Variants in DNAH2 observed in about 807,000 individuals in gnomAD.
The protein encoded by DNAH2 is axonemal beta dynein heavy chain 2.
In DNAH2, 323 loss-of-function variants were observed where a neutral mutation model predicts 523.5. The ratio of observed to expected loss-of-function variants is 0.62; its 90% CI spans 0.56 to 0.68. DNAH2 has a LOEUF of 0.68. Ranked by LOEUF, DNAH2 falls within the 30% of genes least tolerant of loss-of-function variation. DNAH2 has a pLI of 0.00. For synonymous variants in DNAH2, 2,093 were observed against 2,177.4 expected, an observed-to-expected ratio of 0.96 and a Z score of 1.08; for missense variants, 4,907 against 5,701.5, an observed-to-expected ratio of 0.86 and a Z score of 4.49.
At chr17:7,819,469 C>T (rs1467505871) in intron 72 of DNAH2, 61 bp downstream of exon 72, 1 of 1,587,790 alleles carries the variant, frequency 6.3e-7, no homozygotes, top group Admixed American at 1.7e-5. Flanking sequence ...TTCTTCTGGC[C>T]ACTGCACCTT....
At chr17:7,784,507 C>T (rs745728051) in intron 39 of DNAH2, among the ~76,000 whole-genome samples, 3 of 152,144 alleles carry the variant, frequency 2.0e-5, no homozygotes, top group Non-Finnish European at 4.4e-5. Context: ...TGTACCACTG[C>T]ACTCCAGCCT....
At position 7,719,796 on chromosome 17, in the gene DNAH2, G is replaced by C. The variant is rs755225109; in HGVS notation, c.62G>C (p.Trp21Ser). 1 of 1,614,036 alleles carries C rather than the reference G, an allele frequency of 6.2e-7. No homozygotes were observed. Among genetic ancestry groups the C allele is most frequent in the South Asian group, 1.1e-5 (1 of 91,068 alleles). Reference sequence around the variant, plus strand: ...GGCCGAGGAAGCTCCCAGGCAAGCTGGTCAGGGCGGGCCACTCGGGCTGCT... The same window carrying C: ...GGCCGAGGAAGCTCCCAGGCAAGCTCGTCAGGGCGGGCCACTCGGGCTGCT... Reference protein sequence around the residue: ...LSGRGSSQASWSGRATRAAVA... With the variant: ...LSGRGSSQASSSGRATRAAVA... Residue 21 changes from tryptophan (W) to serine (S), a missense_variant, in exon 2 of 86, where the codon TGG (tryptophan) becomes TCG (serine). Around this residue, in one of 3 missense-constraint regions of DNAH2, gnomAD observed 2,806 missense variants for 3,190.8 expected, o/e 0.88. Coordinates refer to ENST00000572933, the MANE Select transcript of DNAH2 (RefSeq NM_020877.5).
chr17:7,821,301 G>A lies in DNAH2; in HGVS notation c.11074G>A (p.Ala3692Thr), dbSNP rs753864891. 3.7e-6 allele frequency: 6 copies of A among 1,613,806 alleles called. No individual in the cohort carries two copies. The African/African-American group carries it at 8.0e-5, about 22-fold the overall frequency. The stretch of plus-strand genomic sequence containing the variant: ...ACTACTATTCAGTTTTCATATGTGT[G>A]CCAAAATCTTGGAGACTTCTGGCAA... ...HKLLFSFHMC[A>T]KILETSGKLN... The change falls in exon 73 of 86, where the codon GCC becomes ACC. Residue 3692 changes from alanine (A) to threonine (T), a missense_variant. Physicochemically the swap from Ala to Thr is moderately conservative, Grantham distance 58. Coordinates refer to ENST00000572933, the MANE Select transcript of DNAH2 (RefSeq NM_020877.5). The surrounding 1 kb of genome is among the most constrained non-coding windows in gnomAD (Gnocchi z 5.0).
chr17:7,753,513 C>A (rs2075748072), intron 12 of DNAH2, among the ~76,000 whole-genome samples: 1 of 152,048 alleles, frequency 6.6e-6, no homozygotes, highest in Admixed American at 6.5e-5. Context: ...ATCCCCAGCG[C>A]CTAGCTGAAT....
intron 44 of DNAH2, among the ~76,000 whole-genome samples, chr17:7,790,041 T>G (rs2076854584): frequency 2.0e-5 from 3 of 152,142 alleles, no homozygotes; most frequent in African/African-American, 7.2e-5. Flanking sequence ...AGACTATCCC[T>G]TTGCCAGGGA....
rs1567625077 is a variant in DNAH2, at chr17:7,741,303, T to TCCC, written c.1689+311_1689+312insCCC. Among the ~76,000 whole-genome samples the TCCC allele has an allele frequency of 4.6e-3, 351 of 76,720 alleles. 1 individual carries two copies. The highest frequency in any genetic ancestry group is 0.013 in the Middle Eastern group (2 of 158). The allele number at this position is 76,720 out of a possible 152,430, so 50.3% of individuals were successfully genotyped here. A position where few individuals can be genotyped will look rare whatever the true frequency, so the allele number is the denominator to read the frequency against. Reference sequence around the variant, plus strand: ...CTTTCTTTCTTTCTTTCTTCCTTCCTTCCCTCCCTCCCTCCCTCCCTCCTT... The same window carrying TCCC: ...CTTTCTTTCTTTCTTTCTTCCTTCCTCCCTCCCTCCCTCCCTCCCTCCCTCCTT... On this transcript the variant is annotated intron_variant, in intron 11 of 85. Coordinates refer to ENST00000572933, the MANE Select transcript of DNAH2 (RefSeq NM_020877.5).
intron 4 of DNAH2, among the ~76,000 whole-genome samples, chr17:7,730,130 T>TAA (rs563065510): frequency 6.0e-4 from 75 of 124,902 alleles, no homozygotes; most frequent in South Asian, 3.5e-3. Flanking sequence ...GGGATTCAAT[T>TAA]AAAAAAAAAA....
At chr17:7,787,709 C>G (rs1442295730) in intron 42 of DNAH2, 151 bp from the exon 43 acceptor site, 9 of 1,065,414 alleles carry the variant, frequency 8.4e-6, no homozygotes, top group Non-Finnish European at 1.2e-5. Flanking sequence ...GCACTCCAGC[C>G]TGGGTGACGG....
chr17:7,777,741 C>A, intron 33 of DNAH2, 107 bp downstream of exon 33: 1 of 1,361,794 alleles, frequency 7.3e-7, no homozygotes, highest in South Asian at 1.3e-5. Flanking sequence ...AACCCTTAGT[C>A]CTGTCCCACT....
At chr17:7,773,149 A>G (rs548725345) in intron 28 of DNAH2, among the ~76,000 whole-genome samples, 1 of 152,308 alleles carries the variant, frequency 6.6e-6, no homozygotes, top group South Asian at 2.1e-4. Flanking sequence ...GTGAATTGAC[A>G]TGACAGTAAG....
chr17:7,744,090 C>G (rs1310857932), intron 12 of DNAH2, among the ~76,000 whole-genome samples: 1 of 151,802 alleles, frequency 6.6e-6, no homozygotes, highest in Non-Finnish European at 1.5e-5. Flanking sequence ...ATAAAATGTC[C>G]ATGCTTGAGC....
In DNAH2 at chr17:7,759,906, A is replaced by G; in HGVS notation, c.2753A>G (p.Lys918Arg). The part of the protein sequence containing the change: ...CHLPDILTKR[K>R]LHREPIQTVV... ...CTCCCTGACATTCTCACCAAGCGCAAGTTACATCGTGAACCCATCCAAACA... is the reference window on the plus strand; with the variant it reads ...CTCCCTGACATTCTCACCAAGCGCAGGTTACATCGTGAACCCATCCAAACA... Residue 918 changes from lysine to arginine, a missense_variant, in exon 17 of 86, where the codon AAG (lysine) becomes AGG (arginine). Transcript: ENST00000572933. 1 of 1,614,170 alleles carries G rather than the reference A, an allele frequency of 6.2e-7. No individual in the cohort carries two copies. Among genetic ancestry groups the G allele is most frequent in the Non-Finnish European group, 8.5e-7 (1 of 1,180,026 alleles).
chr17:7,737,999 A>T, intron 8 of DNAH2: 1 of 703,232 alleles, frequency 1.4e-6, no homozygotes, highest in South Asian at 1.5e-5. Flanking sequence ...CTGCCACGCC[A>T]TCTCCCTGGA....
intron 29 of DNAH2, 111 bp from the exon 30 acceptor site, chr17:7,775,130 A>AG: frequency 1.6e-6 from 2 of 1,268,050 alleles, no homozygotes; most frequent in South Asian, 2.6e-5. Context: ...AGAATTGGTA[A>AG]TATTGAGAGG....
chr17:7,813,600 C>G (rs1346049853), intron 63 of DNAH2, among the ~76,000 whole-genome samples: 1 of 152,132 alleles, frequency 6.6e-6, no homozygotes, highest in Admixed American at 6.5e-5. Context: ...TAGCATATAA[C>G]CACTGATTAA....
intron 12 of DNAH2, 64 bp from the exon 13 acceptor site, chr17:7,757,027 C>G: frequency 6.3e-7 from 1 of 1,599,204 alleles, no homozygotes; most frequent in Non-Finnish European, 8.6e-7. Context: ...TCCACCTGTT[C>G]GATTGTTGCT....
At chr17:7,805,113 G>A (rs367886054) in intron 60 of DNAH2, 39 bp downstream of exon 60, 15 of 1,603,228 alleles carry the variant, frequency 9.4e-6, no homozygotes, top group Middle Eastern at 1.7e-4. Flanking sequence ...CCAGGAACGC[G>A]AGGCCCCGGG....
At position 7,770,245 on chromosome 17, in the gene DNAH2, G is replaced by C. The variant is rs889529984; in HGVS notation, c.3942-7G>C. ...CTGACCTCACACCCTCCTGTTCCTG[G>C]CTGCAGGCACTGGGACCAGGTCCGG... On this transcript the variant is annotated splice_polypyrimidine_tract_variant and splice_region_variant and intron_variant, in intron 24 of 85. Transcript: ENST00000572933. 12 of 1,595,804 alleles carry C rather than the reference G, an allele frequency of 7.5e-6. No individual in the cohort carries two copies. Among genetic ancestry groups the C allele is most frequent in the African/African-American group, 4.0e-5 (3 of 74,498 alleles).
chr17:7,791,234 C>A lies in DNAH2; in HGVS notation c.6901-683C>A, dbSNP rs147914037. On this transcript the variant is annotated intron_variant, in intron 44 of 85. Coordinates refer to ENST00000572933, the MANE Select transcript of DNAH2 (RefSeq NM_020877.5). ...GATTAACAGGCACCACCACACCCGG[C>A]TAATTTTTGTATTTTTAGTAGAGAT... Among the ~76,000 whole-genome samples, 785 of 152,040 alleles carry A rather than the reference C, an allele frequency of 5.2e-3. 5 individuals carry two copies. The highest frequency in any genetic ancestry group is 0.024 in the Middle Eastern group (7 of 294).
Sources: gnomAD v4.1 joint callset for allele counts (sites outside exome capture counted in the v4.1 genomes callset) on GRCh38, gnomAD v4.1.1 for gene constraint, gnomAD v4.1.1 regional missense constraint, Gnocchi (gnomAD v3.1) non-coding constraint, MANE v1.5 for transcripts, NCBI Gene and HGNC (gene_info 2026-07-23, HGNC 2026-07-21) for gene names.